ITGB5: variants seen among roughly 807,000 people sequenced by gnomAD.
ITGB5 encodes the protein integrin beta-5.
Under a neutral mutation model 84.8 loss-of-function variants are expected in ITGB5, and 38 were observed. The observed-to-expected ratio is 0.45, with a 90% CI of 0.35 to 0.59. The LOEUF (loss-of-function observed/expected upper bound fraction) is 0.59. Ranked by LOEUF, ITGB5 falls within the 20% of genes least tolerant of loss-of-function variation. The pLI is 0.01. For missense variants in ITGB5, 905 were observed against 1,034.5 expected, an observed-to-expected ratio of 0.87 and a Z score of 1.72; for synonymous variants, 393 against 414.4, an observed-to-expected ratio of 0.95 and a Z score of 0.63.
chr3:124,857,750 G>T (rs2065239164), intron 3 of ITGB5, among the ~76,000 whole-genome samples: 1 of 152,174 alleles, frequency 6.6e-6, no homozygotes, highest in South Asian at 2.1e-4. Flanking sequence ...ACTAGAAACA[G>T]CCATGGGTTT....
intron 5 of ITGB5, among the ~76,000 whole-genome samples, chr3:124,830,264 C>T (rs1187282671): frequency 6.6e-6 from 1 of 152,218 alleles, no homozygotes; most frequent in African/African-American, 2.4e-5. Flanking sequence ...CTCTGCCCCA[C>T]CCTCCACAGT....
intron 5 of ITGB5, among the ~76,000 whole-genome samples, chr3:124,835,030 T>C (rs1467980329): frequency 1.3e-5 from 2 of 152,182 alleles, no homozygotes; most frequent in Non-Finnish European, 2.9e-5. Flanking sequence ...CTCCTACCCT[T>C]TCCCCAGGAT....
intron 10 of ITGB5, among the ~76,000 whole-genome samples, chr3:124,783,392 A>G (rs1378618005): frequency 6.6e-6 from 1 of 152,058 alleles, no homozygotes; most frequent in Non-Finnish European, 1.5e-5. Context: ...TAGGTATAGA[A>G]TCACTTGGCA....
intron 5 of ITGB5, among the ~76,000 whole-genome samples, chr3:124,822,864 G>A (rs1310991985): frequency 1.3e-5 from 2 of 152,222 alleles, no homozygotes; most frequent in Non-Finnish European, 2.9e-5. Context: ...TGTTAATGAA[G>A]GAAAGTCCAA....
chr3:124,807,234 G>A (rs909928762), intron 9 of ITGB5, among the ~76,000 whole-genome samples: 1 of 152,138 alleles, frequency 6.6e-6, no homozygotes, highest in Admixed American at 6.5e-5. Context: ...TGAGCAACAT[G>A]GTGAAACTCC....
At chr3:124,808,867 T>C (rs1045889198) in intron 9 of ITGB5, among the ~76,000 whole-genome samples, 155 bp downstream of exon 9, 5 of 152,190 alleles carry the variant, frequency 3.3e-5, no homozygotes, top group Non-Finnish European at 4.4e-5. Context: ...GAACACATCA[T>C]GCAAAACAGG....
intron 3 of ITGB5, among the ~76,000 whole-genome samples, chr3:124,849,388 C>T (rs375211092): frequency 3.3e-5 from 5 of 152,116 alleles, no homozygotes; most frequent in Admixed American, 2.6e-4. Context: ...AAACAAAGAT[C>T]GTTGTTTAAA....
chr3:124,899,348 A>G (rs1195936116), intron 1 of ITGB5, among the ~76,000 whole-genome samples: 1 of 152,216 alleles, frequency 6.6e-6, no homozygotes, highest in Non-Finnish European at 1.5e-5. Context: ...GTTCAGGTGC[A>G]GCAAAGGGGC....
chr3:124,777,288 G>A (rs1174271517), intron 10 of ITGB5, among the ~76,000 whole-genome samples: 1 of 152,202 alleles, frequency 6.6e-6, no homozygotes, highest in Non-Finnish European at 1.5e-5. Context: ...GCAGTGGTGT[G>A]TGGAGCCCAG....
At chr3:124,825,927 A>G (rs1055229455) in intron 5 of ITGB5, among the ~76,000 whole-genome samples, 1 of 152,226 alleles carries the variant, frequency 6.6e-6, no homozygotes, top group African/African-American at 2.4e-5. Flanking sequence ...TGAATATCCT[A>G]CTGTGCTGGA....
chr3:124,859,821 G>A (rs1185785983), intron 2 of ITGB5, among the ~76,000 whole-genome samples: 1 of 152,196 alleles, frequency 6.6e-6, no homozygotes, highest in African/African-American at 2.4e-5. Context: ...GGTGGCTCAT[G>A]CCTGTAATCC....
At chr3:124,801,707 C>T (rs567777267) in intron 9 of ITGB5, among the ~76,000 whole-genome samples, 180 of 152,356 alleles carry the variant, frequency 1.2e-3, no homozygotes, top group Middle Eastern at 6.8e-3. Context: ...CCACCATTCC[C>T]TGACTTGCCC....
At chr3:124,833,462 G>A (rs1191272173) in intron 5 of ITGB5, among the ~76,000 whole-genome samples, 1 of 152,186 alleles carries the variant, frequency 6.6e-6, no homozygotes, top group Non-Finnish European at 1.5e-5. Flanking sequence ...AAATCCCAGA[G>A]GATAGAGACT....
intron 2 of ITGB5, among the ~76,000 whole-genome samples, chr3:124,861,187 T>TG (rs2065291765): frequency 6.6e-6 from 1 of 151,674 alleles, no homozygotes; most frequent in Non-Finnish European, 1.5e-5. Context: ...TATTCTGGGT[T>TG]GTTTTTTTTT....
chr3:124,859,474 A>T, intron 2 of ITGB5, 28 bp from the exon 3 acceptor site: 8 of 1,597,090 alleles, frequency 5.0e-6, no homozygotes, highest in Non-Finnish European at 6.8e-6. Context: ...GGAAGAGAGC[A>T]GGAGGTGGTC....
intron 5 of ITGB5, among the ~76,000 whole-genome samples, chr3:124,837,015 G>T (rs1318978860): frequency 1.3e-5 from 2 of 152,204 alleles, no homozygotes; most frequent in Non-Finnish European, 2.9e-5. Context: ...GCATTGGGTT[G>T]CACTGATTTA....
chr3:124,857,291 A>G (rs1232848621), intron 3 of ITGB5: 2 of 152,224 alleles, frequency 1.3e-5, no homozygotes, highest in Non-Finnish European at 2.9e-5. Flanking sequence ...TCAAACCTCC[A>G]TCTGGTACCC....
chr3:124,864,304 C>T (rs867225354), intron 2 of ITGB5, among the ~76,000 whole-genome samples: 1 of 151,720 alleles, frequency 6.6e-6, no homozygotes, highest in Non-Finnish European at 1.5e-5. Flanking sequence ...GACAGGGTTT[C>T]ACCGTGTTTG....
chr3:124,844,117 T>A (rs1389002407), intron 4 of ITGB5, among the ~76,000 whole-genome samples: 1 of 143,290 alleles, frequency 7.0e-6, no homozygotes, highest in Non-Finnish European at 1.5e-5. Flanking sequence ...ATATATAGCC[T>A]AGGCTGGAAG....
Sources: gnomAD v4.1 joint callset for allele counts (sites outside exome capture counted in the v4.1 genomes callset) on GRCh38, gnomAD v4.1.1 for gene constraint, MANE v1.5 for transcripts, NCBI Gene and HGNC (gene_info 2026-07-23, HGNC 2026-07-21) for gene names.